THSD7B: variants seen among roughly 807,000 people sequenced by gnomAD.
The protein encoded by THSD7B is thrombospondin type-1 domain-containing protein 7B.
Under a neutral mutation model 213.6 loss-of-function variants are expected in THSD7B, and 138 were observed. The ratio of observed to expected loss-of-function variants is 0.65; its 90% CI spans 0.56 to 0.74. The LOEUF (loss-of-function observed/expected upper bound fraction) is 0.74, where lower values mean the gene tolerates loss of function less well. Ranked by LOEUF, THSD7B falls within the 30% of genes least tolerant of loss-of-function variation. THSD7B has a pLI of 0.00. For missense variants in THSD7B, 1,931 were observed against 1,991.5 expected (o/e 0.97, Z 0.58); for synonymous variants, 742 against 687.0 (o/e 1.08, Z -1.25).
At chr2:137,345,609 G>GAA (rs1211438507) in intron 12 of THSD7B, among the ~76,000 whole-genome samples, 2 of 151,438 alleles carry the variant, frequency 1.3e-5, no homozygotes, top group Non-Finnish European at 3.0e-5. Context: ...GAGAGAGAGA[G>GAA]AATATGAATT....
intron 12 of THSD7B, among the ~76,000 whole-genome samples, chr2:137,333,387 A>T (rs1465141961): frequency 2.6e-5 from 4 of 151,742 alleles, no homozygotes; most frequent in African/African-American, 9.7e-5. Context: ...TTTTTCCTTT[A>T]CTCTTAGGAA....
intron 7 of THSD7B, among the ~76,000 whole-genome samples, chr2:137,178,611 T>A (rs967123299): frequency 3.3e-5 from 5 of 152,180 alleles, no homozygotes; most frequent in African/African-American, 1.2e-4. Context: ...TGTTTGGCAA[T>A]GAGGGACTCC....
chr2:137,576,142 A>G (rs1681456214), intron 17 of THSD7B, among the ~76,000 whole-genome samples: 1 of 152,120 alleles, frequency 6.6e-6, no homozygotes, highest in Non-Finnish European at 1.5e-5. Context: ...TTATGCTACC[A>G]ATCCTTACTG....
At chr2:136,925,987 A>T (rs1370372663) in intron 2 of THSD7B, among the ~76,000 whole-genome samples, 1 of 152,230 alleles carries the variant, frequency 6.6e-6, no homozygotes, top group Non-Finnish European at 1.5e-5. Flanking sequence ...GTATAATAAT[A>T]TAGAAATGTT....
intron 12 of THSD7B, among the ~76,000 whole-genome samples, chr2:137,284,505 T>C (rs1385412063): frequency 1.3e-5 from 2 of 152,184 alleles, no homozygotes; most frequent in East Asian, 3.8e-4. Context: ...GTGTCAATTT[T>C]AGATCTTTCC....
chr2:136,945,527 G>C (rs1684921924), intron 2 of THSD7B, among the ~76,000 whole-genome samples: 1 of 152,118 alleles, frequency 6.6e-6, no homozygotes, highest in Non-Finnish European at 1.5e-5. Context: ...GCCTGTCTAG[G>C]TTGGGAAAGT....
chr2:136,850,101 G>A (rs1482357385), intron 1 of THSD7B, among the ~76,000 whole-genome samples: 1 of 151,524 alleles, frequency 6.6e-6, no homozygotes, highest in African/African-American at 2.4e-5. Context: ...ATACCTCTAT[G>A]GTATGAAGCC....
chr2:137,638,060 G>T (rs1019439339), intron 20 of THSD7B, among the ~76,000 whole-genome samples: 1 of 152,220 alleles, frequency 6.6e-6, no homozygotes, highest in Non-Finnish European at 1.5e-5. Flanking sequence ...TGTATGATTT[G>T]AGTGATGCTG....
chr2:137,497,227 A>C (rs944719906), intron 15 of THSD7B, among the ~76,000 whole-genome samples: 6 of 151,918 alleles, frequency 3.9e-5, no homozygotes, highest in Non-Finnish European at 7.4e-5. Flanking sequence ...ACACACACAC[A>C]CACACTAGAT....
At chr2:137,600,887 G>C (rs898347738) in intron 17 of THSD7B, among the ~76,000 whole-genome samples, 2 of 152,164 alleles carry the variant, frequency 1.3e-5, no homozygotes, top group African/African-American at 4.8e-5. Context: ...GGACAAGACA[G>C]GGAGGTGGAA....
At chr2:136,864,540 A>G (rs557533046) in intron 1 of THSD7B, among the ~76,000 whole-genome samples, 15 of 150,884 alleles carry the variant, frequency 9.9e-5, no homozygotes, top group African/African-American at 3.6e-4. Context: ...CTTTTTTATC[A>G]TTTTCTATAT....
chr2:137,423,175 T>A (rs560842360), intron 14 of THSD7B, among the ~76,000 whole-genome samples: 1 of 152,202 alleles, frequency 6.6e-6, no homozygotes, highest in East Asian at 1.9e-4. Flanking sequence ...GGCTACAAAG[T>A]AACTTTCTCT....
chr2:137,292,871 T>C (rs1275068039), intron 12 of THSD7B, among the ~76,000 whole-genome samples: 1 of 152,102 alleles, frequency 6.6e-6, no homozygotes, highest in Non-Finnish European at 1.5e-5. Flanking sequence ...TCATTAGTTA[T>C]TTCATCTTAT....
At chr2:136,901,307 G>A (rs574665732) in intron 2 of THSD7B, among the ~76,000 whole-genome samples, 1 of 152,356 alleles carries the variant, frequency 6.6e-6, no homozygotes, top group East Asian at 1.9e-4. Flanking sequence ...TATGGAACCA[G>A]TAGACTATGG....
chr2:137,589,680 G>A (rs1416021337), intron 17 of THSD7B, among the ~76,000 whole-genome samples: 1 of 152,054 alleles, frequency 6.6e-6, no homozygotes, highest in Admixed American at 6.6e-5. Context: ...GTATTTTAAG[G>A]CATATAAATG....
intron 7 of THSD7B, among the ~76,000 whole-genome samples, chr2:137,226,692 G>A (rs899549383): frequency 9.9e-5 from 15 of 151,588 alleles, no homozygotes; most frequent in Admixed American, 2.6e-4. Context: ...AATCACCAGT[G>A]AGCAAAATTG....
chr2:137,594,300 G>T (rs925347205), intron 17 of THSD7B, among the ~76,000 whole-genome samples: 1 of 151,954 alleles, frequency 6.6e-6, no homozygotes, highest in African/African-American at 2.4e-5. Context: ...ATTCTCCTTA[G>T]AGTTTTAGAA....
chr2:137,411,990 A>T (rs1271715648), intron 14 of THSD7B, 118 bp downstream of exon 14: 1 of 1,175,032 alleles, frequency 8.5e-7, no homozygotes, highest in Non-Finnish European at 1.2e-6. Flanking sequence ...TTCCTTTGTC[A>T]ATAACACATT....
chr2:136,817,241 T>C (rs776422972), intron 1 of THSD7B, among the ~76,000 whole-genome samples: 1 of 152,208 alleles, frequency 6.6e-6, no homozygotes, highest in Non-Finnish European at 1.5e-5. Context: ...TCAAATTTGT[T>C]TAAAAAATAA....
Sources: allele counts gnomAD v4.1 joint callset (sites outside exome capture counted in the v4.1 genomes callset), GRCh38; gene constraint gnomAD v4.1.1; transcripts MANE v1.5; gene names NCBI Gene and HGNC (gene_info 2026-07-23, HGNC 2026-07-21).